The following TRMT10B variants were observed in gnomAD, a reference collection of about 807,000 sequenced individuals.
The protein encoded by TRMT10B is tRNA methyltransferase 10 homolog B.
A neutral mutation model predicts 43.8 loss-of-function variants in TRMT10B; 33 were observed. That is an observed-to-expected ratio of 0.75 (90% CI 0.57 to 1.01). TRMT10B has a LOEUF of 1.01. Among genes scored for constraint, TRMT10B ranks in the 50% least tolerant of loss-of-function variants. The probability of loss-of-function intolerance (pLI) is 0.00; values close to 1 mark genes in which losing one functional copy is unlikely to be tolerated. For synonymous variants in TRMT10B, 137 were observed against 130.6 expected (o/e 1.05, Z -0.34); for missense variants, 362 against 369.8 (o/e 0.98, Z 0.17).
chr9:37,759,814 CTCAAAA>C (rs1199856364), intron 1 of TRMT10B, among the ~76,000 whole-genome samples: 1 of 152,148 alleles, frequency 6.6e-6, no homozygotes, highest in African/African-American at 2.4e-5. Flanking sequence ...GAGACTTCAT[CTCAAAA>C]ACAAAAACTT....
At chr9:37,769,308 T>C (rs1210646688) in intron 5 of TRMT10B, among the ~76,000 whole-genome samples, 1 of 60,718 alleles carries the variant, frequency 1.6e-5, no homozygotes, top group Admixed American at 2.3e-4. Context: ...ACCCTGTCTT[T>C]AAAAAAAAAA....
chr9:37,756,492 G>A (rs1216150568), intron 1 of TRMT10B, among the ~76,000 whole-genome samples: 1 of 151,796 alleles, frequency 6.6e-6, no homozygotes, highest in Non-Finnish European at 1.5e-5. Context: ...GGATCACTTG[G>A]GTCAGGAGTT....
intron 4 of TRMT10B, 67 bp from the exon 5 acceptor site, chr9:37,768,009 T>A: frequency 6.3e-7 from 1 of 1,587,178 alleles, no homozygotes; most frequent in Non-Finnish European, 8.6e-7. Flanking sequence ...ATTGTAGCCA[T>A]TTCTTGATAG....
At chr9:37,762,205 AAG>A (rs1826418126) in intron 2 of TRMT10B, 88 bp downstream of exon 2, 3 of 1,364,590 alleles carry the variant, frequency 2.2e-6, no homozygotes, top group Admixed American at 2.6e-5. Context: ...TGGTAGTGAA[AAG>A]AGAGACGGAA....
intron 7 of TRMT10B, among the ~76,000 whole-genome samples, chr9:37,775,646 A>G (rs965576531): frequency 6.6e-6 from 1 of 151,990 alleles, no homozygotes; most frequent in Non-Finnish European, 1.5e-5. Context: ...TGATCATCCA[A>G]CTTCAGCCTC....
chr9:37,772,373 A>G (rs1827685434), intron 7 of TRMT10B, among the ~76,000 whole-genome samples: 1 of 151,878 alleles, frequency 6.6e-6, no homozygotes, highest in African/African-American at 2.4e-5. Flanking sequence ...ACTAGTCTCA[A>G]ACTTCTGGAC....
rs112849886 is a variant in TRMT10B, at chr9:37,759,249, A to G, written c.-29-2654A>G. ...CTGGAAAAGATCTCAAATGCCCATC[A>G]ACAGAATAAATTGTGATATATTCAT... On this transcript the variant is annotated intron_variant, in intron 1 of 8. Transcript: ENST00000297994. Among the ~76,000 whole-genome samples, 17 of 152,370 alleles carry G rather than the reference A, an allele frequency of 1.1e-4. 2 individuals are homozygous for G. Among genetic ancestry groups the G allele is most frequent in the African/African-American group, 4.1e-4 (17 of 41,590 alleles).
intron 1 of TRMT10B, among the ~76,000 whole-genome samples, chr9:37,757,665 C>T (rs186739797): frequency 4.1e-4 from 62 of 152,270 alleles, no homozygotes; most frequent in African/African-American, 1.4e-3. Flanking sequence ...AGAAGATTTA[C>T]CTTCTAATAG....
chr9:37,776,822 C>T (rs1211195858), intron 8 of TRMT10B, among the ~76,000 whole-genome samples: 2 of 151,738 alleles, frequency 1.3e-5, no homozygotes, highest in African/African-American at 4.8e-5. Context: ...CCACTTGAAC[C>T]TGGGAAGTGG....
At chr9:37,772,649 AACTGG>A (rs1827713070) in intron 7 of TRMT10B, among the ~76,000 whole-genome samples, 2 of 152,166 alleles carry the variant, frequency 1.3e-5, no homozygotes, top group African/African-American at 2.4e-5. Context: ...TCTGCAAAAC[AACTGG>A]ACTGGACTTA....
At chr9:37,753,621 C>T (rs185753070), upstream of TRMT10B, among the ~76,000 whole-genome samples, 110 of 152,298 alleles carry the variant, frequency 7.2e-4, no homozygotes, top group East Asian at 0.018. Flanking sequence ...GACGGGGAGA[C>T]AGGGGTTCAG....
rs760395050 is a variant in TRMT10B at position 37,762,051 on chromosome 9, G to A, written c.120G>A (p.Gln40=). Residue 40 remains glutamine, a synonymous_variant, in exon 2 of 9, where the codon CAG becomes CAA. Transcript: ENST00000297994. The part of the protein sequence containing the change: ...DGLPEGFQLL[Q]IDAEGECQEG... The stretch of plus-strand genomic sequence containing the variant: ...TTCCTGAAGGCTTCCAGCTTCTGCA[G>A]ATCGATGCGGAAGGCGAGTGCCAGG... 17 of 1,614,038 alleles carry A rather than the reference G, an allele frequency of 1.1e-5. 1 individual carries two copies. In the South Asian group the frequency reaches 1.9e-4, roughly 18 times the overall value.
At chr9:37,771,958 C>T (rs1827635499) in intron 7 of TRMT10B, among the ~76,000 whole-genome samples, 1 of 151,998 alleles carries the variant, frequency 6.6e-6, no homozygotes, top group Non-Finnish European at 1.5e-5. Context: ...CTCCCACCAC[C>T]TCAGCCTTCT....
At chr9:37,764,671 G>A (rs1295667982) in intron 4 of TRMT10B, among the ~76,000 whole-genome samples, 2 of 151,974 alleles carry the variant, frequency 1.3e-5, no homozygotes, top group Non-Finnish European at 2.9e-5. Context: ...TGATCCACCT[G>A]CCTCAGCCTC....
intron 7 of TRMT10B, among the ~76,000 whole-genome samples, chr9:37,772,350 CTTTGTTGCCCA>C (rs1827682864): frequency 6.6e-6 from 1 of 151,836 alleles, no homozygotes; most frequent in Non-Finnish European, 1.5e-5. Context: ...CAGGGTCTCA[CTTTGTTGCCCA>C]GACTAGTCTC....
At chr9:37,770,834 G>A (rs1827497429) in intron 7 of TRMT10B, 95 bp downstream of exon 7, 2 of 1,283,414 alleles carry the variant, frequency 1.6e-6, no homozygotes, top group African/African-American at 3.1e-5. Flanking sequence ...GAGGGTCTAA[G>A]AACTCAGAGG....
chr9:37,763,859 T>A, intron 4 of TRMT10B, 106 bp downstream of exon 4: 1 of 1,597,600 alleles, frequency 6.3e-7, no homozygotes, highest in Non-Finnish European at 8.5e-7. Context: ...GATTCCTTAG[T>A]AAACTAGTAA....
upstream of TRMT10B, among the ~76,000 whole-genome samples, chr9:37,753,437 T>C (rs368957821): frequency 2.0e-5 from 3 of 152,320 alleles, no homozygotes; most frequent in South Asian, 2.1e-4. Flanking sequence ...CCATAACTAG[T>C]TTTTAAGGTT....
intron 8 of TRMT10B, 47 bp downstream of exon 8, chr9:37,776,452 G>A (rs1475454648): frequency 1.3e-6 from 2 of 1,579,350 alleles, no homozygotes; most frequent in Non-Finnish European, 1.7e-6. Context: ...TTCTGGTGCT[G>A]CTGCTTTGCA....
Sources: allele counts gnomAD v4.1 joint callset (sites outside exome capture counted in the v4.1 genomes callset), GRCh38; gene constraint gnomAD v4.1.1; transcripts MANE v1.5; gene names NCBI Gene and HGNC (gene_info 2026-07-23, HGNC 2026-07-21).